Variants in EPHA5 observed in about 807,000 individuals in gnomAD.
The protein encoded by EPHA5 is ephrin type-A receptor 5.
In EPHA5, 60 loss-of-function variants were observed where a neutral mutation model predicts 105.0. That is an observed-to-expected ratio of 0.57 (90% CI 0.46 to 0.71). EPHA5 has a LOEUF of 0.71. Among genes scored for constraint, EPHA5 ranks in the 30% least tolerant of loss-of-function variants. The pLI is 0.00. For missense variants in EPHA5, 1,218 were observed against 1,274.7 expected (o/e 0.96, Z 0.68); for synonymous variants, 513 against 449.1 (o/e 1.14, Z -1.80).
intron 8 of EPHA5, among the ~76,000 whole-genome samples, chr4:65,381,851 G>A (rs572260860): frequency 6.6e-6 from 1 of 151,792 alleles, no homozygotes; most frequent in South Asian, 2.1e-4. Flanking sequence ...TAAAGACACA[G>A]CAAGAAGGCA....
intron 11 of EPHA5, among the ~76,000 whole-genome samples, chr4:65,355,981 C>A (rs1321495826): frequency 6.6e-6 from 1 of 151,406 alleles, no homozygotes; most frequent in Non-Finnish European, 1.5e-5. Flanking sequence ...CCCTCATTTA[C>A]AGAAATCTAT....
chr4:65,526,223 A>C (rs559221171), intron 3 of EPHA5, among the ~76,000 whole-genome samples: 13 of 152,022 alleles, frequency 8.6e-5, no homozygotes, highest in Non-Finnish European at 1.8e-4. Context: ...AAGGACTATA[A>C]TTGTCCCAGA....
rs562519782 is a variant in EPHA5, at chr4:65,546,163, C to A, written c.911-50620G>T. Among the ~76,000 whole-genome samples the A allele has an allele frequency of 5.3e-5, 8 of 152,124 alleles. 1 individual carries two copies. Among genetic ancestry groups the A allele is most frequent in the African/African-American group, 1.9e-4 (8 of 41,552 alleles). Reference sequence around the variant, plus strand: ...ACATTTTAACTTACTGCATTTTAAACTTTTTATTTTCTGAGTTCATGGTAA... The same window carrying A: ...ACATTTTAACTTACTGCATTTTAAAATTTTTATTTTCTGAGTTCATGGTAA... On this transcript the variant is annotated intron_variant, in intron 3 of 16. Coordinates refer to ENST00000613740, the MANE Select transcript of EPHA5 (RefSeq NM_001281766.3).
At chr4:65,477,999 C>G (rs1050801609) in intron 5 of EPHA5, among the ~76,000 whole-genome samples, 1 of 152,112 alleles carries the variant, frequency 6.6e-6, no homozygotes, top group Admixed American at 6.5e-5. Flanking sequence ...TAAAAATATT[C>G]TATCCCAACC....
chr4:65,521,040 A>T (rs1001608733), intron 3 of EPHA5, among the ~76,000 whole-genome samples: 3 of 152,170 alleles, frequency 2.0e-5, no homozygotes, highest in African/African-American at 7.2e-5. Flanking sequence ...TACCCAAAAG[A>T]TTATAAATCA....
chr4:65,588,795 A>T (rs1234081139), intron 3 of EPHA5, among the ~76,000 whole-genome samples: 1 of 152,138 alleles, frequency 6.6e-6, no homozygotes, highest in African/African-American at 2.4e-5. Flanking sequence ...GCTTGCCATG[A>T]GTAGCTGGCC....
Position 65,347,368 on chromosome 4 carries a change from T to C in EPHA5, c.2595+686A>G, listed in dbSNP as rs183410709. 1.7e-3 allele frequency among the ~76,000 whole-genome samples: 260 copies of C among 152,186 alleles called. 1 individual carries two copies. Among genetic ancestry groups the C allele is most frequent in the African/African-American group, 6.1e-3 (252 of 41,532 alleles). On this transcript the variant is annotated intron_variant, in intron 14 of 16. Transcript: ENST00000613740. ...ATAAAAATATGAAATTTCCATATGATCCAAAATAGAAAGGGCTGTATTGAA... is the reference window on the plus strand; with the variant it reads ...ATAAAAATATGAAATTTCCATATGACCCAAAATAGAAAGGGCTGTATTGAA...
At chr4:65,639,611 G>C (rs1747460207) in intron 2 of EPHA5, among the ~76,000 whole-genome samples, 1 of 152,154 alleles carries the variant, frequency 6.6e-6, no homozygotes, top group Non-Finnish European at 1.5e-5. Flanking sequence ...TTTCCTGAAT[G>C]TGTGCATTAA....
chr4:65,565,392 C>T (rs892104887), intron 3 of EPHA5, among the ~76,000 whole-genome samples: 1 of 151,548 alleles, frequency 6.6e-6, no homozygotes, highest in Non-Finnish European at 1.5e-5. Flanking sequence ...AAACTTCTAC[C>T]CTTACATGCG....
chr4:65,403,945 G>C (rs973009636), intron 8 of EPHA5, among the ~76,000 whole-genome samples: 1 of 152,100 alleles, frequency 6.6e-6, no homozygotes, highest in African/African-American at 2.4e-5. Flanking sequence ...ACACCACCCT[G>C]TTAGGATAGA....
chr4:65,425,145 G>T (rs968014993), intron 5 of EPHA5, among the ~76,000 whole-genome samples: 1 of 152,062 alleles, frequency 6.6e-6, no homozygotes, highest in Admixed American at 6.6e-5. Flanking sequence ...AATCTTTTCA[G>T]TCTATGACAG....
At chr4:65,443,095 G>A (rs766213723) in intron 5 of EPHA5, among the ~76,000 whole-genome samples, 2 of 152,094 alleles carry the variant, frequency 1.3e-5, no homozygotes, top group Non-Finnish European at 2.9e-5. Flanking sequence ...TTTTAGAAGA[G>A]CAAATCTAAA....
intron 3 of EPHA5, among the ~76,000 whole-genome samples, chr4:65,594,184 T>C (rs1025894811): frequency 1.2e-4 from 19 of 152,176 alleles, no homozygotes; most frequent in African/African-American, 4.6e-4. Flanking sequence ...TTGTGAGGTC[T>C]TTATAATTAA....
chr4:65,466,191 T>G (rs774169459), intron 5 of EPHA5, among the ~76,000 whole-genome samples: 1 of 152,194 alleles, frequency 6.6e-6, no homozygotes, highest in Non-Finnish European at 1.5e-5. Flanking sequence ...AAAACACTTT[T>G]GAGAATGTTT....
chr4:65,596,706 A>ACACACACG (rs752922195), intron 3 of EPHA5, among the ~76,000 whole-genome samples: 1 of 151,314 alleles, frequency 6.6e-6, no homozygotes, highest in Non-Finnish European at 1.5e-5. Context: ...ACACACACAC[A>ACACACACG]CCAACACAAC....
Position 65,336,702 on chromosome 4 carries a change from T to G in EPHA5, c.2596-577A>C, listed in dbSNP as rs559957942. On this transcript the variant is annotated intron_variant, in intron 14 of 16. Coordinates refer to ENST00000613740, the MANE Select transcript of EPHA5 (RefSeq NM_001281766.3). ...CATCTGCTGATTTCTGTCAGGAATC[T>G]GGAATGACTGTCTAGTAGCACAAGA... is the stretch of plus-strand genomic sequence containing the variant. Among the ~76,000 whole-genome samples, 4 of 152,256 alleles carry G rather than the reference T, an allele frequency of 2.6e-5. No homozygotes were observed. In the East Asian group the frequency reaches 7.8e-4, roughly 30 times the overall value.
At chr4:65,567,601 A>T (rs1739686592) in intron 3 of EPHA5, among the ~76,000 whole-genome samples, 1 of 151,612 alleles carries the variant, frequency 6.6e-6, no homozygotes, top group Non-Finnish European at 1.5e-5. Context: ...TGGAATAAAA[A>T]TGCCATACTC....
chr4:65,618,559 C>T (rs553128943), intron 2 of EPHA5, among the ~76,000 whole-genome samples: 56 of 152,152 alleles, frequency 3.7e-4, no homozygotes, highest in Non-Finnish European at 6.6e-4. Flanking sequence ...GGTACAAACA[C>T]TTTTTTTGAC....
At chr4:65,538,319 A>G (rs957452984) in intron 3 of EPHA5, among the ~76,000 whole-genome samples, 2 of 151,860 alleles carry the variant, frequency 1.3e-5, no homozygotes, top group African/African-American at 4.8e-5. Context: ...GGGAGCACCA[A>G]TTCAGCAAAA....
Sources: allele counts gnomAD v4.1 joint callset (sites outside exome capture counted in the v4.1 genomes callset), GRCh38; gene constraint gnomAD v4.1.1; transcripts MANE v1.5; gene names NCBI Gene and HGNC (gene_info 2026-07-23, HGNC 2026-07-21).